Variants in DKK3 observed in about 807,000 individuals in gnomAD.
The protein encoded by DKK3 is dickkopf Wnt signaling pathway inhibitor 3, also known as dickkopf-related protein 3.
In DKK3, 22 loss-of-function variants were observed where a neutral mutation model predicts 33.2. That is an observed-to-expected ratio of 0.66 (90% CI 0.47 to 0.95). The LOEUF is 0.95. DKK3 is among the 40% of genes least tolerant of loss of function. DKK3 has a pLI of 0.00. For synonymous variants in DKK3, 194 were observed against 188.8 expected (o/e 1.03, Z -0.23); for missense variants, 398 against 458.4 (o/e 0.87, Z 1.20).
intron 3 of DKK3, among the ~76,000 whole-genome samples, chr11:11,990,549 C>G (rs557445707): frequency 8.5e-5 from 13 of 152,334 alleles, no homozygotes; most frequent in Admixed American, 8.5e-4. Context: ...AGTCTCATTA[C>G]AGTATACAGT....
intron 1 of DKK3, among the ~76,000 whole-genome samples, chr11:12,006,161 G>C (rs943774562): frequency 3.3e-5 from 5 of 152,012 alleles, no homozygotes; most frequent in Non-Finnish European, 5.9e-5. Flanking sequence ...GGCATCACAA[G>C]CTCAATTTAA....
Position 11,998,716 on chromosome 11 carries a change from C to T in DKK3, c.415G>A (p.Glu139Lys), listed in dbSNP as rs372500840. 16 of 1,614,044 alleles carry T rather than the reference C, an allele frequency of 9.9e-6. No homozygotes were observed. Among genetic ancestry groups the T allele is most frequent in the African/African-American group, 2.7e-5 (2 of 74,920 alleles). The change falls in exon 3 of 7, where the codon GAA (glutamate) becomes AAA (lysine). Residue 139 changes from glutamate to lysine, a missense_variant. Coordinates refer to ENST00000683431, the MANE Select transcript of DKK3 (RefSeq NM_001018057.2). ...CTTACGTGGCTCCTTCTGCCTTCTT[C>T]GTCTCCCACAGATGTGATAACTGTC... ...SETVITSVGD[E>K]EGRRSHECII...
At chr11:11,975,170 T>C (rs1380041756) in intron 3 of DKK3, among the ~76,000 whole-genome samples, 1 of 152,198 alleles carries the variant, frequency 6.6e-6, no homozygotes, top group Non-Finnish European at 1.5e-5. Context: ...CCTAGCAAAC[T>C]AATACATGCA....
chr11:11,998,211 G>A (rs1018848565), intron 3 of DKK3: 2 of 182,054 alleles, frequency 1.1e-5, no homozygotes, highest in Admixed American at 1.2e-4. Flanking sequence ...ACTAACAGAA[G>A]CAATCACAGG....
intron 3 of DKK3, among the ~76,000 whole-genome samples, chr11:11,984,668 A>G (rs373581287): frequency 2.0e-5 from 3 of 151,764 alleles, no homozygotes; most frequent in Admixed American, 6.5e-5. Context: ...AAAAAAAAAA[A>G]AAAAGAAAAA....
At chr11:11,970,184 C>A (rs1253609704) in intron 3 of DKK3, among the ~76,000 whole-genome samples, 2 of 152,198 alleles carry the variant, frequency 1.3e-5, no homozygotes, top group Admixed American at 1.3e-4. Context: ...CACAGAATCC[C>A]TTCTCTGAAC....
At chr11:11,983,629 C>G (rs1848003109) in intron 3 of DKK3, among the ~76,000 whole-genome samples, 1 of 152,226 alleles carries the variant, frequency 6.6e-6, no homozygotes, top group South Asian at 2.1e-4. Flanking sequence ...GGCTGCCAAG[C>G]TGCAGCCACA....
intron 3 of DKK3, 101 bp downstream of exon 3, chr11:11,998,595 T>C (rs1848349653): frequency 2.0e-6 from 2 of 1,012,138 alleles, no homozygotes; most frequent in Admixed American, 3.6e-5. Flanking sequence ...GAGACTCCAC[T>C]CCCTCCTGCC....
At chr11:11,992,848 G>T (rs1238987493) in intron 3 of DKK3, among the ~76,000 whole-genome samples, 2 of 152,122 alleles carry the variant, frequency 1.3e-5, no homozygotes, top group African/African-American at 4.8e-5. Flanking sequence ...ACCCAGGCTT[G>T]TGTACTCCTT....
chr11:12,008,367 C>T lies in DKK3; in HGVS notation c.213+3G>A. On this transcript the variant is annotated splice_donor_region_variant and intron_variant, in intron 1 of 6. Transcript: ENST00000683431. The surrounding 1 kb of genome is among the most constrained non-coding windows in gnomAD (Gnocchi z 4.6). ...GAGCCCCGCGCCGCCAGGGCGCACC[C>T]ACCTCTTCCACCGCGCTGCGCAATT... The T allele has an allele frequency of 1.2e-6, 2 of 1,602,984 alleles. No homozygotes were observed. The highest frequency in any genetic ancestry group is 1.3e-5 in the African/African-American group (1 of 74,800).
chr11:11,991,937 C>T lies in DKK3; in HGVS notation c.435+6759G>A, dbSNP rs76310678. Among the ~76,000 whole-genome samples, 480 of 152,300 alleles carry T rather than the reference C, an allele frequency of 3.2e-3. 2 individuals carry two copies. The highest frequency in any genetic ancestry group is 5.4e-3 in the South Asian group (26 of 4,824). ...ATGCCCCCACAATGCCCTGTGCAAC[C>T]TTTGCCTTTCAAAATTATGCATCCA... is the stretch of plus-strand genomic sequence containing the variant. On this transcript the variant is annotated intron_variant, in intron 3 of 6. Coordinates refer to ENST00000683431, the MANE Select transcript of DKK3 (RefSeq NM_001018057.2).
intron 3 of DKK3, among the ~76,000 whole-genome samples, chr11:11,985,355 C>G (rs1334844693): frequency 2.0e-5 from 3 of 152,238 alleles, no homozygotes; most frequent in Admixed American, 2.0e-4. Flanking sequence ...AAGCTCTCTT[C>G]CTCAGTTCTT....
chr11:11,994,541 G>A (rs1848251725), intron 3 of DKK3: 1 of 152,150 alleles, frequency 6.6e-6, no homozygotes, highest in Non-Finnish European at 1.5e-5. Context: ...AACTGATTGA[G>A]TCCCTCTAGA....
intron 3 of DKK3, among the ~76,000 whole-genome samples, chr11:11,996,272 G>T (rs933471495): frequency 2.6e-5 from 4 of 152,176 alleles, no homozygotes; most frequent in African/African-American, 9.7e-5. Flanking sequence ...ACAGTCCCCT[G>T]CATTCCCTTG....
At position 11,964,653 on chromosome 11, in the gene DKK3, G is replaced by C. The variant is rs774144698; in HGVS notation, c.864C>G (p.Phe288Leu). The change falls in exon 7 of 7, where the codon TTC becomes TTG. Residue 288 changes from phenylalanine to leucine, a missense_variant. Transcript: ENST00000683431. ...HSLVYVCKPT[F>L]VGSRDQDGEI... ...CCCCATCTTGGTCACGGCTCCCCAC[G>C]AAGGTCGGCTTGCACACATACACCA... 2 of 1,614,100 alleles carry C rather than the reference G, an allele frequency of 1.2e-6. No homozygotes were observed. Among genetic ancestry groups the C allele is most frequent in the South Asian group, 1.1e-5 (1 of 91,086 alleles).
In DKK3 at chr11:11,988,698, G is replaced by A. The variant is rs779204577; in HGVS notation, c.435+9998C>T. ...AGGACACCATGGAGGGGTAAGGGTG[G>A]GGCTCATAAAGGAGGGTGTGGAGTG... is the stretch of plus-strand genomic sequence containing the variant. On this transcript the variant is annotated intron_variant, in intron 3 of 6. Coordinates refer to ENST00000683431, the MANE Select transcript of DKK3 (RefSeq NM_001018057.2). 6.7e-4 allele frequency among the ~76,000 whole-genome samples: 102 copies of A among 152,192 alleles called. 1 individual carries two copies. Among genetic ancestry groups the A allele is most frequent in the Non-Finnish European group, 1.3e-3 (91 of 68,034 alleles).
rs1312512124 is a variant in DKK3, at chr11:11,999,499, C to CCGAT, written c.352-724_352-721dup. 3.3e-5 allele frequency among the ~76,000 whole-genome samples: 5 copies of CCGAT among 152,332 alleles called. No individual in the cohort carries two copies. In the East Asian group the frequency reaches 9.6e-4, roughly 29 times the overall value. On this transcript the variant is annotated intron_variant, in intron 2 of 6. Coordinates refer to ENST00000683431, the MANE Select transcript of DKK3 (RefSeq NM_001018057.2). ...CAAAATTTAGCCGCAGTGGCAAGTG[C>CCGAT]CGATAATCCCAGCTACTCGGGAGGC...
At chr11:11,969,046 G>A (rs1847666792) in intron 3 of DKK3, among the ~76,000 whole-genome samples, 1 of 152,176 alleles carries the variant, frequency 6.6e-6, no homozygotes. Context: ...AAATGAATTA[G>A]AGGAGGGTGG....
At chr11:12,009,609 G>A, upstream of DKK3, 1 of 985,896 alleles carries the variant, frequency 1.0e-6, no homozygotes, top group Non-Finnish European at 1.2e-6. Flanking sequence ...ACCGAGGTTG[G>A]GGGTAGGGGG....
Sources: allele counts gnomAD v4.1 joint callset (sites outside exome capture counted in the v4.1 genomes callset), GRCh38; gene constraint gnomAD v4.1.1; non-coding constraint Gnocchi (gnomAD v3.1); transcripts MANE v1.5; gene names NCBI Gene and HGNC (gene_info 2026-07-23, HGNC 2026-07-21).